PDE1C: variants seen among roughly 807,000 people sequenced by gnomAD.
The protein encoded by PDE1C is phosphodiesterase 1C.
PDE1C carries 62 observed loss-of-function variants against 93.1 expected under a neutral mutation model. The observed-to-expected ratio is 0.67, with a 90% CI of 0.54 to 0.82. The LOEUF (loss-of-function observed/expected upper bound fraction) is 0.82, where lower values mean the gene tolerates loss of function less well. Ranked by LOEUF, PDE1C falls within the 40% of genes least tolerant of loss-of-function variation. PDE1C has a pLI of 0.00. For missense variants in PDE1C, 742 were observed against 884.6 expected (o/e 0.84, Z 2.04); for synonymous variants, 325 against 310.1 (o/e 1.05, Z -0.50).
chr7:32,282,735 C>A (rs367721459), intron 1 of PDE1C, among the ~76,000 whole-genome samples: 1,611 of 151,980 alleles, frequency 0.011, 12 homozygotes, highest in Non-Finnish European at 0.016. Context: ...CGCCCGCCAC[C>A]ATGCCCAGCT....
chr7:31,914,539 T>C (rs184972970), intron 2 of PDE1C, among the ~76,000 whole-genome samples: 3 of 152,350 alleles, frequency 2.0e-5, no homozygotes, highest in East Asian at 1.9e-4. Flanking sequence ...CCTTTAGCTA[T>C]AGTCAACTCA....
chr7:31,694,809 C>G, the PDE1C span, among the ~76,000 whole-genome samples: 1 of 151,980 alleles, frequency 6.6e-6, no homozygotes, highest in Non-Finnish European at 1.5e-5. Context: ...CTGATAGACT[C>G]GATGTAAAAG....
intron 2 of PDE1C, among the ~76,000 whole-genome samples, chr7:32,177,730 G>C (rs1162876109): frequency 6.6e-6 from 1 of 152,194 alleles, no homozygotes. Context: ...CCTCTGCCCA[G>C]TGACCAGCCC....
intron 16 of PDE1C, chr7:31,789,624 A>G (rs1424886401): frequency 1.1e-6 from 1 of 944,120 alleles, no homozygotes; most frequent in Non-Finnish European, 1.3e-6. Flanking sequence ...TAGAAAACAA[A>G]CAGAATTCTG....
intron 2 of PDE1C, among the ~76,000 whole-genome samples, chr7:32,045,159 G>A (rs1318781499): frequency 6.7e-6 from 1 of 149,888 alleles, no homozygotes; most frequent in Admixed American, 6.8e-5. Context: ...CCTGTACTCT[G>A]AACTCTGATC....
intron 6 of PDE1C, among the ~76,000 whole-genome samples, chr7:31,871,662 T>A (rs1795963717): frequency 6.7e-6 from 1 of 149,514 alleles, no homozygotes; most frequent in Non-Finnish European, 1.5e-5. Context: ...TGAGATATCA[T>A]CTTACCCCAG....
upstream of PDE1C, among the ~76,000 whole-genome samples, chr7:32,073,838 A>C (rs368243578): frequency 3.3e-5 from 5 of 152,340 alleles, no homozygotes; most frequent in Admixed American, 2.0e-4. Flanking sequence ...AAACAGATGC[A>C]AATAGACCTG....
At chr7:31,899,701 G>C (rs902611560) in intron 2 of PDE1C, among the ~76,000 whole-genome samples, 2 of 152,172 alleles carry the variant, frequency 1.3e-5, no homozygotes, top group South Asian at 4.1e-4. Context: ...GTAATGAAAA[G>C]AATGTGTAAA....
intron 2 of PDE1C, among the ~76,000 whole-genome samples, chr7:32,180,754 A>G (rs1233885954): frequency 1.3e-5 from 2 of 152,244 alleles, no homozygotes; most frequent in Admixed American, 6.5e-5. Flanking sequence ...TTCCAAAAAC[A>G]TATACCTCTG....
rs559308739 is a variant in PDE1C, at chr7:32,176,151, A to G, written c.137-6195T>C. On this transcript the variant is annotated intron_variant, in intron 2 of 18. Coordinates refer to the PDE1C transcript ENST00000396193. ...GTCCTCATGCTGCTCCCCTTTGAGA[A>G]GTCTCTTGTAGTTAGCCTAACTACA... 2.0e-5 allele frequency among the ~76,000 whole-genome samples: 3 copies of G among 152,292 alleles called. No individual in the cohort carries two copies. The South Asian group carries it at 6.2e-4, about 32-fold the overall frequency.
intron 3 of PDE1C, among the ~76,000 whole-genome samples, chr7:32,122,157 A>G (rs2128764917): frequency 6.6e-6 from 1 of 152,368 alleles, no homozygotes; most frequent in Admixed American, 6.5e-5. Context: ...GGATCAATTC[A>G]ACAAGAAGAG....
At chr7:31,621,780 C>T in the PDE1C span, among the ~76,000 whole-genome samples, 2 of 148,478 alleles carry the variant, frequency 1.3e-5, no homozygotes, top group African/African-American at 2.5e-5. Flanking sequence ...TGTAAATGGA[C>T]TAAATGCTCC....
chr7:31,775,764 T>C (rs1000729886), intron 16 of PDE1C, 32 bp from the exon 17 acceptor site: 2 of 1,584,878 alleles, frequency 1.3e-6, no homozygotes, highest in Admixed American at 1.7e-5. Flanking sequence ...TAAGGAAAAG[T>C]AGGATTGTGG....
At chr7:32,046,329 C>T (rs2128673558) in intron 2 of PDE1C, among the ~76,000 whole-genome samples, 2 of 152,188 alleles carry the variant, frequency 1.3e-5, no homozygotes, top group South Asian at 4.1e-4. Flanking sequence ...TCAGTATGCC[C>T]ATACTTTCAA....
At chr7:32,386,162 G>T (rs1562701218) in intron 1 of PDE1C, among the ~76,000 whole-genome samples, 1 of 138,732 alleles carries the variant, frequency 7.2e-6, no homozygotes, top group Admixed American at 7.4e-5. Context: ...CTACAGGCAA[G>T]CATCTTGAGG....
At chr7:32,088,421 A>T (rs1185588968) in intron 3 of PDE1C, among the ~76,000 whole-genome samples, 2 of 152,228 alleles carry the variant, frequency 1.3e-5, no homozygotes, top group East Asian at 3.9e-4. Flanking sequence ...CCTGAAATAC[A>T]GATCTGCTGG....
the PDE1C span, among the ~76,000 whole-genome samples, chr7:31,667,796 A>G: frequency 6.6e-6 from 1 of 151,976 alleles, no homozygotes; most frequent in African/African-American, 2.4e-5. Flanking sequence ...GCAGGTCTCA[A>G]TCAATAGAGG....
At chr7:31,720,781 G>A in the PDE1C span, among the ~76,000 whole-genome samples, 2 of 152,054 alleles carry the variant, frequency 1.3e-5, no homozygotes, top group Non-Finnish European at 2.9e-5. Flanking sequence ...CTCCATTTGG[G>A]TATTTGGTGA....
At chr7:31,926,145 A>G (rs1803348946) in intron 2 of PDE1C, among the ~76,000 whole-genome samples, 1 of 152,188 alleles carries the variant, frequency 6.6e-6, no homozygotes, top group East Asian at 1.9e-4. Flanking sequence ...ATACACACAC[A>G]CACACACAAT....
Sources: gnomAD v4.1 joint callset for allele counts (sites outside exome capture counted in the v4.1 genomes callset) on GRCh38, gnomAD v4.1.1 for gene constraint, MANE v1.5 for transcripts, NCBI Gene and HGNC (gene_info 2026-07-23, HGNC 2026-07-21) for gene names.